Variants in CORO7 observed in about 807,000 individuals in gnomAD.
The protein encoded by CORO7 is coronin-7.
A neutral mutation model predicts 126.6 loss-of-function variants in CORO7; 107 were observed. That is an observed-to-expected ratio of 0.85 (90% CI 0.72 to 0.99). The LOEUF is 0.99. CORO7 is among the 50% of genes least tolerant of loss of function. The probability of loss-of-function intolerance (pLI) is 0.00; values close to 1 mark genes in which losing one functional copy is unlikely to be tolerated. For missense variants in CORO7, 1,314 were observed against 1,255.8 expected, an observed-to-expected ratio of 1.05 and a Z score of -0.70; for synonymous variants, 603 against 536.8, an observed-to-expected ratio of 1.12 and a Z score of -1.70.
At chr16:4,383,824 T>C (rs1337120578) in intron 9 of CORO7, among the ~76,000 whole-genome samples, 1 of 152,136 alleles carries the variant, frequency 6.6e-6, no homozygotes, top group Non-Finnish European at 1.5e-5. Context: ...TTGTGGCACA[T>C]GTGGGGCCAG....
chr16:4,414,771 T>A (rs1419063493), intron 1 of CORO7, among the ~76,000 whole-genome samples: 2 of 152,062 alleles, frequency 1.3e-5, no homozygotes, highest in African/African-American at 4.8e-5. Flanking sequence ...CCTCAAGTAT[T>A]CTCCAGACCC....
In CORO7 at chr16:4,412,421, C is replaced by A; in HGVS notation, c.167G>T (p.Gly56Val). Residue 56 changes from glycine to valine, a missense_variant, in exon 3 of 28, where the codon GGC (glycine) becomes GTC (valine). By Grantham distance (109) the Gly-to-Val change is moderately radical. Transcript: ENST00000251166. Reference protein sequence around the residue: ...AFNSDRPGVLGIVPLQGQGED... With the variant: ...AFNSDRPGVLVIVPLQGQGED... ...TCCTTGGCCTTGCAGAGGCACAATG[C>A]CCAGTACACCTGTTAAACAAACACG... is the stretch of plus-strand genomic sequence containing the variant. The A allele has an allele frequency of 6.2e-7, 1 of 1,614,206 alleles. No individual in the cohort carries two copies. The highest frequency in any genetic ancestry group is 8.5e-7 in the Non-Finnish European group (1 of 1,180,028).
intron 6 of CORO7, chr16:4,397,536 G>C (rs2055643646): frequency 6.6e-6 from 1 of 152,132 alleles, no homozygotes; most frequent in Non-Finnish European, 1.5e-5. Context: ...CAAAGTGGAA[G>C]AATCACTTGA....
At chr16:4,395,162 G>T in intron 7 of CORO7, 127 bp downstream of exon 7, 1 of 1,361,560 alleles carries the variant, frequency 7.3e-7, no homozygotes, top group Non-Finnish European at 1.0e-6. Context: ...ACCTCCTGGG[G>T]ACCCCTGGTG....
intron 6 of CORO7, 45 bp from the exon 7 acceptor site, chr16:4,395,384 G>A: frequency 3.1e-6 from 5 of 1,612,936 alleles, no homozygotes; most frequent in Non-Finnish European, 1.7e-6. Flanking sequence ...TAGGGCTGGA[G>A]GGTCCCTGGA....
intron 9 of CORO7, chr16:4,383,214 G>A: frequency 2.9e-6 from 1 of 339,442 alleles, no homozygotes; most frequent in Non-Finnish European, 5.6e-6. Context: ...CCTGGGCCCT[G>A]CTGGGCTCTC....
At chr16:4,385,096 C>T (rs937196681) in intron 9 of CORO7, among the ~76,000 whole-genome samples, 1 of 152,188 alleles carries the variant, frequency 6.6e-6, no homozygotes, top group African/African-American at 2.4e-5. Context: ...AGCTGAGATG[C>T]AGCCTCGACC....
In CORO7 at chr16:4,412,444, AC is replaced by A; in HGVS notation, c.158-15del. On this transcript the variant is annotated splice_polypyrimidine_tract_variant and intron_variant, in intron 2 of 27. Coordinates refer to ENST00000251166, the MANE Select transcript of CORO7 (RefSeq NM_024535.5). ...TGCCCAGTACACCTGTTAAACAAAC[AC>A]GGGGACTCTGACTTCAGGCCCCACA... 6.2e-7 allele frequency: 1 copy of A among 1,614,074 alleles called. No individual in the cohort carries two copies. Among genetic ancestry groups the A allele is most frequent in the Non-Finnish European group, 8.5e-7 (1 of 1,179,956 alleles).
At chr16:4,370,075 C>T (rs2054473404) in intron 9 of CORO7, among the ~76,000 whole-genome samples, 1 of 152,182 alleles carries the variant, frequency 6.6e-6, no homozygotes, top group Admixed American at 6.5e-5. Context: ...CTACAAGAAC[C>T]TGCCACAGAG....
chr16:4,361,670 G>A (rs2054184467), intron 16 of CORO7: 4 of 801,274 alleles, frequency 5.0e-6, no homozygotes, highest in South Asian at 1.5e-5. Context: ...GAGTGAGGGG[G>A]CAGCAGCGTG....
intron 4 of CORO7, among the ~76,000 whole-genome samples, chr16:4,407,977 C>CCAGGT (rs2056068588): frequency 6.6e-6 from 1 of 152,168 alleles, no homozygotes. Context: ...TCCTCGGGCT[C>CCAGGT]CAGGTCAGGT....
Position 4,407,639 on chromosome 16 carries a change from C to G in CORO7, c.349G>C (p.Ala117Pro), listed in dbSNP as rs1216136527. The G allele has an allele frequency of 1.2e-6, 2 of 1,610,032 alleles. No individual in the cohort carries two copies. Among genetic ancestry groups the G allele is most frequent in the East Asian group, 2.2e-5 (1 of 44,790 alleles). ...TCGGGGCCCAGCACCACCCCGGGTG[C>G]TGAGGGCAGGGCCTGGCCAGGCCCT... ...LPGPGQALPS[A>P]PGVVLGPEDL... The change falls in exon 5 of 28, where the codon GCA becomes CCA. Residue 117 changes from alanine (A) to proline (P), a missense_variant. Coordinates refer to ENST00000251166, the MANE Select transcript of CORO7 (RefSeq NM_024535.5).
At position 4,359,366 on chromosome 16, in the gene CORO7, A is replaced by T. The variant is rs760398003; in HGVS notation, c.2270T>A (p.Leu757Gln). The stretch of plus-strand genomic sequence containing the variant: ...AGGGGACTCGGGGAGCAGCTCGTAC[A>T]GGAATACACGGGTGTCGCCCTGCGG... ...LTGKGDTRVF[L>Q]YELLPESPFF... Residue 757 changes from leucine to glutamine, a missense_variant, in exon 23 of 28, where the codon CTG becomes CAG. Leu to Gln is a moderately radical substitution (Grantham distance 113, BLOSUM62 -2). Coordinates refer to ENST00000251166, the MANE Select transcript of CORO7 (RefSeq NM_024535.5). The T allele has an allele frequency of 6.2e-7, 1 of 1,613,610 alleles. No homozygotes were observed. Among genetic ancestry groups the T allele is most frequent in the Non-Finnish European group, 8.5e-7 (1 of 1,179,944 alleles).
At chr16:4,410,730 C>T (rs957185601) in intron 3 of CORO7, among the ~76,000 whole-genome samples, 1 of 152,172 alleles carries the variant, frequency 6.6e-6, no homozygotes, top group South Asian at 2.1e-4. Context: ...AGAGGAGAGG[C>T]CAGTAAACGT....
chr16:4,395,322 G>C lies in CORO7; in HGVS notation c.582C>G (p.Ile194Met). The change falls in exon 7 of 28, where the codon ATC (isoleucine) becomes ATG (methionine). Residue 194 changes from isoleucine to methionine, a missense_variant. Coordinates refer to ENST00000251166, the MANE Select transcript of CORO7 (RefSeq NM_024535.5). Reference protein sequence around the residue: ...GTACKDKQLRIFDPRTKPRAS... With the variant: ...GTACKDKQLRMFDPRTKPRAS... ...CCCGCGGCTTTGTTCTGGGGTCAAA[G>C]ATCCGCAGCTGCTTGTCCTGGAAAA... 1 of 1,614,098 alleles carries C rather than the reference G, an allele frequency of 6.2e-7. No homozygotes were observed. The highest frequency in any genetic ancestry group is 8.5e-7 in the Non-Finnish European group (1 of 1,180,006).
chr16:4,379,644 G>A lies in CORO7; in HGVS notation c.785+8342C>T, dbSNP rs1036502700. 4.6e-5 allele frequency among the ~76,000 whole-genome samples: 7 copies of A among 152,118 alleles called. No homozygotes were observed. In the South Asian group the frequency reaches 1.0e-3, roughly 23 times the overall value. ...GACGGTAAACACTTAGTGTTCCTTCGTCCTTCCCACTTCGCTGGCACATGG... is the reference window on the plus strand; with the variant it reads ...GACGGTAAACACTTAGTGTTCCTTCATCCTTCCCACTTCGCTGGCACATGG... On this transcript the variant is annotated intron_variant, in intron 9 of 27. Transcript: ENST00000251166.
At chr16:4,357,568 C>G in intron 25 of CORO7, 2 of 341,450 alleles carry the variant, frequency 5.9e-6, no homozygotes, top group Non-Finnish European at 5.3e-6. Context: ...GTTGGCCAGG[C>G]TGGTCTCAAA....
intron 19 of CORO7, among the ~76,000 whole-genome samples, 159 bp from the exon 20 acceptor site, chr16:4,360,707 C>T (rs1399170495): frequency 6.8e-6 from 1 of 147,548 alleles, no homozygotes; most frequent in African/African-American, 2.5e-5. Flanking sequence ...GCTGGCCCCC[C>T]TCTCCTCACT....
At chr16:4,372,213 C>T (rs995170383) in intron 9 of CORO7, among the ~76,000 whole-genome samples, 5 of 152,140 alleles carry the variant, frequency 3.3e-5, no homozygotes, top group Admixed American at 6.5e-5. Context: ...GGCCAGGGTG[C>T]GCGCCTGAGT....
Sources: allele counts gnomAD v4.1 joint callset (sites outside exome capture counted in the v4.1 genomes callset), GRCh38; gene constraint gnomAD v4.1.1; transcripts MANE v1.5; gene names NCBI Gene and HGNC (gene_info 2026-07-23, HGNC 2026-07-21).